ABCC5: variants seen among roughly 807,000 people sequenced by gnomAD.
ABCC5 encodes the protein ATP binding cassette subfamily C member 5.
A neutral mutation model predicts 160.9 loss-of-function variants in ABCC5; 61 were observed. That is an observed-to-expected ratio of 0.38 (90% confidence interval 0.31 to 0.47). The LOEUF (loss-of-function observed/expected upper bound fraction) is 0.47, where lower values mean the gene tolerates loss of function less well. Ranked by LOEUF, ABCC5 falls within the 20% of genes least tolerant of loss-of-function variation. ABCC5 has a pLI of 0.99. For synonymous variants in ABCC5, 666 were observed against 700.6 expected (o/e 0.95, Z 0.78); for missense variants, 1,308 against 1,813.3 (o/e 0.72, Z 5.06).
chr3:183,977,991 G>A (rs575427164), intron 9 of ABCC5, among the ~76,000 whole-genome samples: 64 of 152,266 alleles, frequency 4.2e-4, no homozygotes, highest in African/African-American at 1.5e-3. Context: ...GACCTCAAGT[G>A]ATCCGCCCGC....
At position 183,920,907 on chromosome 3, in the gene ABCC5, G is replaced by A. The variant is rs1272788094; in HGVS notation, c.*393C>T. 6.5e-6 allele frequency: 1 copy of A among 154,762 alleles called. No individual in the cohort carries two copies. The highest frequency in any genetic ancestry group is 1.4e-5 in the Non-Finnish European group (1 of 69,640). The allele number at this position is 154,762 out of a possible 1,614,324, so 9.6% of individuals were successfully genotyped here. On this transcript the variant is annotated 3_prime_UTR_variant, in exon 30 of 30. Transcript: ENST00000334444. This position sits in a 1 kb window ranked among gnomAD's most constrained non-coding sequence, Gnocchi z 4.1. ...GTACAAAAATGATAGAAAGGAATAT[G>A]CACTGTTATTAGCACAGTGCTTATT...
chr3:183,921,336 A>T lies in ABCC5; in HGVS notation c.4278T>A (p.Phe1426Leu), dbSNP rs1379012914. 1.2e-6 allele frequency: 2 copies of T among 1,610,220 alleles called. No individual in the cohort carries two copies. The highest frequency in any genetic ancestry group is 1.7e-6 in the Non-Finnish European group (2 of 1,176,768). ...SNDSSRFYAM[F>L]AAAENKVAVK... ...CAGCGACCTTGTTCTCTGCAGCAGCAAACATGGCATAGAATCGGGAACTGT... is the reference window on the plus strand; with the variant it reads ...CAGCGACCTTGTTCTCTGCAGCAGCTAACATGGCATAGAATCGGGAACTGT... Residue 1426 changes from phenylalanine (F) to leucine (L), a missense_variant, in exon 30 of 30, where the codon TTT becomes TTA. Phe to Leu is a conservative substitution (Grantham distance 22, BLOSUM62 0). Transcript: ENST00000334444. This position sits in a 1 kb window ranked among gnomAD's most constrained non-coding sequence, Gnocchi z 4.1.
At chr3:183,939,756 ACCTTTC>A (rs1416010597) in intron 25 of ABCC5, among the ~76,000 whole-genome samples, 8 of 152,188 alleles carry the variant, frequency 5.3e-5, no homozygotes, top group African/African-American at 1.7e-4. Context: ...AGTCCTGTCT[ACCTTTC>A]TGCAACTTGG....
intron 18 of ABCC5, 48 bp downstream of exon 18, chr3:183,953,038 C>G (rs767908808): frequency 2.3e-5 from 36 of 1,540,720 alleles, no homozygotes; most frequent in Non-Finnish European, 3.1e-5. Context: ...TAGGGAGAAA[C>G]GGCCACATTC....
At chr3:183,950,906 G>C (rs1295362652) in intron 20 of ABCC5, among the ~76,000 whole-genome samples, 1 of 152,200 alleles carries the variant, frequency 6.6e-6, no homozygotes, top group Non-Finnish European at 1.5e-5. Context: ...TCACTCAATA[G>C]CTGTAGATCT....
chr3:184,002,910 G>A (rs1720869843), intron 2 of ABCC5, among the ~76,000 whole-genome samples: 1 of 152,156 alleles, frequency 6.6e-6, no homozygotes, highest in Non-Finnish European at 1.5e-5. Context: ...GGTTTCCAAG[G>A]GGGTTAAAGG....
intron 23 of ABCC5, among the ~76,000 whole-genome samples, chr3:183,946,490 T>C (rs1342538920): frequency 6.6e-6 from 1 of 152,208 alleles, no homozygotes. Flanking sequence ...TGAAGACACA[T>C]ATCTCTGGGG....
At chr3:183,943,034 C>A in intron 24 of ABCC5, 118 bp from the exon 25 acceptor site, 1 of 977,772 alleles carries the variant, frequency 1.0e-6, no homozygotes, top group Non-Finnish European at 1.5e-6. Flanking sequence ...TAGCTGCCAC[C>A]CTGTCACCTT....
intron 29 of ABCC5, among the ~76,000 whole-genome samples, chr3:183,925,293 T>C (rs1712425410): frequency 6.6e-6 from 1 of 152,232 alleles, no homozygotes; most frequent in African/African-American, 2.4e-5. Flanking sequence ...ACTAAGTACA[T>C]GTACTCTCTG....
intron 25 of ABCC5, among the ~76,000 whole-genome samples, chr3:183,942,099 G>T (rs1714414595): frequency 6.6e-6 from 1 of 151,908 alleles, no homozygotes. Context: ...GAGTGTAGTG[G>T]CGTGATCTTG....
At chr3:183,999,985 G>A (rs974843862) in intron 2 of ABCC5, among the ~76,000 whole-genome samples, 1 of 152,044 alleles carries the variant, frequency 6.6e-6, no homozygotes, top group African/African-American at 2.4e-5. Flanking sequence ...TGTATCAAAG[G>A]GAAGAGAGGT....
rs529320472 is a variant in ABCC5, at chr3:183,955,779, AC to A, written c.2483-2510del. On this transcript the variant is annotated intron_variant, in intron 17 of 29. Coordinates refer to ENST00000334444, the MANE Select transcript of ABCC5 (RefSeq NM_005688.4). ...TTACATGCAGATCTGTGTGTATATTACATCTGTTACATGCAGATCCATGTGT... is the reference window on the plus strand; with the variant it reads ...TTACATGCAGATCTGTGTGTATATTAATCTGTTACATGCAGATCCATGTGT... Among the ~76,000 whole-genome samples the A allele has an allele frequency of 1.7e-3, 246 of 143,412 alleles. 41 individuals carry two copies. Among genetic ancestry groups the A allele is most frequent in the Non-Finnish European group, 3.0e-3 (197 of 65,264 alleles). The allele number at this position is 143,412 out of a possible 152,430, so 94.1% of individuals were successfully genotyped here. A position where few individuals can be genotyped will look rare whatever the true frequency, so the allele number is the denominator to read the frequency against.
At position 183,984,858 on chromosome 3, in the gene ABCC5, A is replaced by G. The variant is rs777568585; in HGVS notation, c.592-1851T>C. ...GCGGTGCAGTGAAGCCTGTTCCCAC[A>G]CACCTCGGCACTGATGGAGCAGTCT... is the stretch of plus-strand genomic sequence containing the variant. On this transcript the variant is annotated intron_variant, in intron 5 of 29. Coordinates refer to ENST00000334444, the MANE Select transcript of ABCC5 (RefSeq NM_005688.4). The G allele has an allele frequency of 2.5e-6, 4 of 1,585,974 alleles. No homozygotes were observed. In the African/African-American group the frequency reaches 5.4e-5, roughly 21 times the overall value.
chr3:183,949,992 T>G lies in ABCC5; in HGVS notation c.3078A>C (p.Ser1026=). Residue 1026 remains serine, a synonymous_variant, in exon 21 of 30, where the codon TCA becomes TCC. Coordinates refer to ENST00000334444, the MANE Select transcript of ABCC5 (RefSeq NM_005688.4). This position sits in a 1 kb window ranked among gnomAD's most constrained non-coding sequence, Gnocchi z 4.2. The part of the protein sequence containing the change: ...VAVGPLVILF[S]VLHIVSRVLI... ...TTTACCTGGAGACAATGTGCAGGACTGAAAAGAGGATGACAAGGGGCCCCA... is the reference window on the plus strand; with the variant it reads ...TTTACCTGGAGACAATGTGCAGGACGGAAAAGAGGATGACAAGGGGCCCCA... The G allele has an allele frequency of 6.2e-7, 1 of 1,614,070 alleles. No homozygotes were observed. Among genetic ancestry groups the G allele is most frequent in the Non-Finnish European group, 8.5e-7 (1 of 1,180,020 alleles).
intron 17 of ABCC5, among the ~76,000 whole-genome samples, chr3:183,958,683 G>A (rs887741084): frequency 6.6e-6 from 1 of 150,946 alleles, no homozygotes; most frequent in Non-Finnish European, 1.5e-5. Flanking sequence ...GATCTCACTC[G>A]GTCCCCCAGG....
chr3:183,995,835 T>A (rs1720230469), intron 2 of ABCC5, among the ~76,000 whole-genome samples: 1 of 151,920 alleles, frequency 6.6e-6, no homozygotes, highest in Admixed American at 6.6e-5. Flanking sequence ...TAAGACAGAG[T>A]CTCACTCTGT....
intron 18 of ABCC5, 127 bp downstream of exon 18, chr3:183,952,958 TG>T: frequency 8.8e-7 from 1 of 1,135,678 alleles, no homozygotes; most frequent in Non-Finnish European, 1.2e-6. Flanking sequence ...CTTTTCATCC[TG>T]GAAAAATCTC....
chr3:184,004,337 C>T (rs1251729100), intron 2 of ABCC5, among the ~76,000 whole-genome samples: 2 of 151,928 alleles, frequency 1.3e-5, no homozygotes, highest in East Asian at 3.9e-4. Context: ...TGGTGAAATC[C>T]TGTCTCTACT....
At chr3:183,977,482 C>T in intron 10 of ABCC5, 35 bp downstream of exon 10, 2 of 1,494,966 alleles carry the variant, frequency 1.3e-6, no homozygotes, top group Non-Finnish European at 1.9e-6. Context: ...GTGGGGAGGG[C>T]TCCTGACACG....
Sources: gnomAD v4.1 joint callset for allele counts (sites outside exome capture counted in the v4.1 genomes callset) on GRCh38, gnomAD v4.1.1 for gene constraint, Gnocchi (gnomAD v3.1) non-coding constraint, MANE v1.5 for transcripts, NCBI Gene and HGNC (gene_info 2026-07-23, HGNC 2026-07-21) for gene names.